The following FAF1 variants were observed in gnomAD, a reference collection of about 807,000 sequenced individuals.
FAF1 encodes Fas associated factor 1.
Under a neutral mutation model 92.5 loss-of-function variants are expected in FAF1, and 25 were observed. The observed-to-expected ratio is 0.27, with a 90% CI of 0.20 to 0.38. FAF1 has a LOEUF of 0.38. FAF1 is among the 10% of genes least tolerant of loss of function. FAF1 has a pLI of 1.00. For missense variants in FAF1, 636 were observed against 793.3 expected (o/e 0.80, Z 2.38); for synonymous variants, 234 against 273.2 (o/e 0.86, Z 1.42).
intron 13 of FAF1, among the ~76,000 whole-genome samples, chr1:50,547,823 A>G (rs1649108837): frequency 6.6e-6 from 1 of 152,262 alleles, no homozygotes; most frequent in African/African-American, 2.4e-5. Context: ...GCTAATCTAT[A>G]GGAGACAATT....
At chr1:50,638,445 C>CTTTTTT (rs35054798) in intron 8 of FAF1, among the ~76,000 whole-genome samples, 112 of 131,542 alleles carry the variant, frequency 8.5e-4, no homozygotes, top group Non-Finnish European at 1.1e-3. Context: ...TTTTCTTTTT[C>CTTTTTT]TTTTTTTTTT....
intron 7 of FAF1, among the ~76,000 whole-genome samples, chr1:50,679,063 G>A (rs778631718): frequency 3.9e-5 from 6 of 152,126 alleles, no homozygotes; most frequent in Non-Finnish European, 7.4e-5. Context: ...CTCCAGCCTG[G>A]GTGACAGAGC....
At chr1:50,645,117 G>C (rs2124259405) in intron 8 of FAF1, among the ~76,000 whole-genome samples, 1 of 152,268 alleles carries the variant, frequency 6.6e-6, no homozygotes, top group South Asian at 2.1e-4. Context: ...ATGTTGACAA[G>C]GGCAATGAAC....
chr1:50,886,721 T>A (rs1466753711), intron 1 of FAF1, among the ~76,000 whole-genome samples: 5 of 152,266 alleles, frequency 3.3e-5, no homozygotes, highest in Non-Finnish European at 4.4e-5. Flanking sequence ...TCCTTCTTTA[T>A]GGCTGCATAG....
chr1:50,741,881 A>G (rs544751767), intron 5 of FAF1, among the ~76,000 whole-genome samples: 42 of 152,254 alleles, frequency 2.8e-4, no homozygotes, highest in Non-Finnish European at 4.8e-4. Context: ...AATAAGATAT[A>G]CAAGTACAAA....
chr1:50,688,500 T>C (rs959301656), intron 7 of FAF1, among the ~76,000 whole-genome samples: 4 of 152,084 alleles, frequency 2.6e-5, no homozygotes, highest in African/African-American at 7.2e-5. Flanking sequence ...CAATGGAATA[T>C]TACTCAGCCT....
At chr1:50,671,479 C>T (rs1240059029) in intron 7 of FAF1, among the ~76,000 whole-genome samples, 1 of 151,962 alleles carries the variant, frequency 6.6e-6, no homozygotes, top group Non-Finnish European at 1.5e-5. Context: ...TTTCATCAAT[C>T]CATACATTCA....
intron 10 of FAF1, among the ~76,000 whole-genome samples, chr1:50,584,043 G>A (rs183148546): frequency 5.9e-5 from 9 of 152,128 alleles, no homozygotes; most frequent in Non-Finnish European, 2.9e-5. Context: ...TAGACATCTT[G>A]TGACTAAATT....
At position 50,949,920 on chromosome 1, in the gene FAF1, G is replaced by A. The variant is rs538050272; in HGVS notation, c.45+9847C>T. Among the ~76,000 whole-genome samples, 3 of 151,926 alleles carry A rather than the reference G, an allele frequency of 2.0e-5. No individual in the cohort carries two copies. The South Asian group carries it at 6.2e-4, about 32-fold the overall frequency. On this transcript the variant is annotated intron_variant, in intron 1 of 18. Transcript: ENST00000396153. ...TCACCCACCCAGGCTGGTGTGCAGC[G>A]GTGCAATCATATCCTCTTACCTCAG...
intron 2 of FAF1, among the ~76,000 whole-genome samples, chr1:50,837,089 C>T (rs1644213907): frequency 6.6e-6 from 1 of 150,864 alleles, no homozygotes; most frequent in Non-Finnish European, 1.5e-5. Flanking sequence ...TCCCGAGTAG[C>T]TGGGACTACA....
At chr1:50,674,726 A>G (rs1011965079) in intron 7 of FAF1, among the ~76,000 whole-genome samples, 5 of 152,168 alleles carry the variant, frequency 3.3e-5, no homozygotes, top group Non-Finnish European at 7.3e-5. Context: ...ATCATAGCCA[A>G]TGAAAGTCAC....
chr1:50,461,160 A>G (rs1646424524), intron 18 of FAF1, among the ~76,000 whole-genome samples: 1 of 152,164 alleles, frequency 6.6e-6, no homozygotes, highest in African/African-American at 2.4e-5. Flanking sequence ...TGTATTTCCC[A>G]GTTCTAAAAC....
intron 4 of FAF1, among the ~76,000 whole-genome samples, chr1:50,765,264 C>T (rs1660518556): frequency 6.6e-6 from 1 of 152,188 alleles, no homozygotes; most frequent in African/African-American, 2.4e-5. Context: ...ACACTTTACA[C>T]ACACTCTATC....
chr1:50,475,808 G>T, intron 17 of FAF1, 129 bp from the exon 18 acceptor site: 1 of 569,596 alleles, frequency 1.8e-6, no homozygotes, highest in Non-Finnish European at 3.1e-6. Context: ...CTATTTATTA[G>T]CCAAGCCAAA....
chr1:50,706,997 A>G (rs1343596316), intron 6 of FAF1, among the ~76,000 whole-genome samples: 2 of 152,094 alleles, frequency 1.3e-5, no homozygotes, highest in Non-Finnish European at 2.9e-5. Flanking sequence ...AGGTCAGGAG[A>G]TCAAGACCAT....
chr1:50,945,792 A>G (rs191548922), intron 1 of FAF1, among the ~76,000 whole-genome samples: 1 of 152,378 alleles, frequency 6.6e-6, no homozygotes, highest in Non-Finnish European at 1.5e-5. Context: ...AGGTCCGTAG[A>G]AATACAACAA....
In FAF1 at chr1:50,623,315, C is replaced by T. The variant is rs113096493; in HGVS notation, c.745-27099G>A. 6.5e-3 allele frequency among the ~76,000 whole-genome samples: 988 copies of T among 152,150 alleles called. 19 individuals are homozygous for T. The highest frequency in any genetic ancestry group is 0.023 in the African/African-American group (941 of 41,502). Reference sequence around the variant, plus strand: ...AGGCGTGGTGGCTCACACCTGTAATCCTAGCACTTTGGGAGGCCAAGGCGG... The same window carrying T: ...AGGCGTGGTGGCTCACACCTGTAATTCTAGCACTTTGGGAGGCCAAGGCGG... On this transcript the variant is annotated intron_variant, in intron 8 of 18. Transcript: ENST00000396153.
chr1:50,477,401 G>A (rs1464560395), intron 17 of FAF1, among the ~76,000 whole-genome samples: 1 of 152,156 alleles, frequency 6.6e-6, no homozygotes, highest in African/African-American at 2.4e-5. Context: ...GGCTGCATTT[G>A]TCAAACAGCC....
At chr1:50,819,634 T>TGACTCACACA (rs1553142939) in intron 2 of FAF1, among the ~76,000 whole-genome samples, 1 of 86,318 alleles carries the variant, frequency 1.2e-5, no homozygotes, top group Non-Finnish European at 2.2e-5. Context: ...ACTGACTGAC[T>TGACTCACACA]CACTCACACA....
Sources: allele counts gnomAD v4.1 joint callset (sites outside exome capture counted in the v4.1 genomes callset), GRCh38; gene constraint gnomAD v4.1.1; transcripts MANE v1.5; gene names NCBI Gene and HGNC (gene_info 2026-07-23, HGNC 2026-07-21).